Variants in SLC25A21 observed in about 807,000 individuals in gnomAD.
SLC25A21 encodes the protein solute carrier family 25 member 21, also known as mitochondrial 2-oxodicarboxylate carrier.
In SLC25A21, 47 loss-of-function variants were observed where a neutral mutation model predicts 43.8. That is an observed-to-expected ratio of 1.07 (90% CI 0.85 to 1.37). The LOEUF (loss-of-function observed/expected upper bound fraction) is 1.37, where lower values mean the gene tolerates loss of function less well. SLC25A21 is among the 40% of genes most tolerant of loss of function. The pLI is 0.00. For synonymous variants in SLC25A21, 131 were observed against 121.3 expected (o/e 1.08, Z -0.52); for missense variants, 352 against 350.2 (o/e 1.00, Z -0.04).
intron 1 of SLC25A21, among the ~76,000 whole-genome samples, chr14:36,971,417 A>C (rs1959745745): frequency 6.6e-6 from 1 of 152,024 alleles, no homozygotes; most frequent in South Asian, 2.1e-4. Flanking sequence ...TACAGTAGGG[A>C]GCAGACAAGA....
At chr14:36,930,616 A>G (rs564506171) in intron 1 of SLC25A21, among the ~76,000 whole-genome samples, 10 of 152,064 alleles carry the variant, frequency 6.6e-5, no homozygotes, top group Non-Finnish European at 1.5e-4. Flanking sequence ...TGTATCATCT[A>G]TAACCCAAAC....
chr14:36,738,918 C>T (rs914383487), intron 3 of SLC25A21, among the ~76,000 whole-genome samples: 1 of 152,140 alleles, frequency 6.6e-6, no homozygotes, highest in African/African-American at 2.4e-5. Context: ...ACATGGTAAT[C>T]TCAATCAACT....
chr14:36,961,280 C>T (rs1006892816), intron 1 of SLC25A21, among the ~76,000 whole-genome samples: 2 of 151,886 alleles, frequency 1.3e-5, no homozygotes, highest in African/African-American at 4.8e-5. Context: ...GGCACAACCT[C>T]GGCTCACTGC....
At chr14:36,812,603 G>T (rs567734109) in intron 3 of SLC25A21, among the ~76,000 whole-genome samples, 1 of 151,950 alleles carries the variant, frequency 6.6e-6, no homozygotes, top group African/African-American at 2.4e-5. Flanking sequence ...GTCTACCATA[G>T]AGATTAATTT....
At chr14:36,812,459 TAA>T (rs1160011649) in intron 3 of SLC25A21, among the ~76,000 whole-genome samples, 2 of 150,186 alleles carry the variant, frequency 1.3e-5, no homozygotes, top group African/African-American at 2.4e-5. Flanking sequence ...TAAAAATATA[TAA>T]AAGTTATGTA....
intron 1 of SLC25A21, among the ~76,000 whole-genome samples, chr14:36,958,120 T>C (rs1959390355): frequency 6.6e-6 from 1 of 152,176 alleles, no homozygotes; most frequent in South Asian, 2.1e-4. Flanking sequence ...GAACAGCTAC[T>C]GAGGATACTT....
intron 2 of SLC25A21, among the ~76,000 whole-genome samples, chr14:36,862,819 C>T (rs1236030033): frequency 6.6e-6 from 1 of 152,036 alleles, no homozygotes; most frequent in East Asian, 1.9e-4. Context: ...AAAAATATCC[C>T]GTTTGTTTTT....
intron 1 of SLC25A21, among the ~76,000 whole-genome samples, chr14:36,934,322 ATC>A (rs1892365313): frequency 6.6e-6 from 1 of 152,078 alleles, no homozygotes; most frequent in Non-Finnish European, 1.5e-5. Context: ...AGGAAGGAGA[ATC>A]TCTATAATTG....
Position 37,172,094 on chromosome 14 carries a change from C to T in SLC25A21, c.70+187G>A, listed in dbSNP as rs1214350411. ...GAGGCAACTTTACTTGGGGCACCCA[C>T]TACTCGCAATCAACTCCCGGCCTCC... On this transcript the variant is annotated intron_variant, in intron 1 of 9. Coordinates refer to ENST00000331299, the MANE Select transcript of SLC25A21 (RefSeq NM_030631.4). The T allele has an allele frequency of 8.2e-6, 5 of 611,248 alleles. No homozygotes were observed. In the African/African-American group the frequency reaches 9.4e-5, roughly 11 times the overall value. The allele number at this position is 611,248 out of a possible 1,614,324, so 37.9% of individuals were successfully genotyped here.
rs539671462 is a variant in SLC25A21, at chr14:36,901,712, T to C, written c.71-26708A>G. ...TGCAGTACTTAAACTGAATCCATAA[T>C]ATAGAATTCTGCTTTAAAACCTAAT... On this transcript the variant is annotated intron_variant, in intron 1 of 9. Coordinates refer to ENST00000331299, the MANE Select transcript of SLC25A21 (RefSeq NM_030631.4). Among the ~76,000 whole-genome samples the C allele has an allele frequency of 4.6e-5, 7 of 152,294 alleles. No homozygotes were observed. In the East Asian group the frequency reaches 1.3e-3, roughly 29 times the overall value.
chr14:36,906,512 C>CT (rs111778445), intron 1 of SLC25A21, among the ~76,000 whole-genome samples: 7,394 of 143,050 alleles, frequency 0.052, 349 homozygotes, highest in African/African-American at 0.13. Flanking sequence ...TCTTTCCTTC[C>CT]TTTTTTTTTT....
At position 37,164,340 on chromosome 14, in the gene SLC25A21, T is replaced by G. The variant is rs145063176; in HGVS notation, c.70+7941A>C. On this transcript the variant is annotated intron_variant, in intron 1 of 9. Coordinates refer to ENST00000331299, the MANE Select transcript of SLC25A21 (RefSeq NM_030631.4). ...AATAGGGTTGCTTCCTCCTATGTGCTTGAAATAAGGGTTATTTTTTTCTCC... is the reference window on the plus strand; with the variant it reads ...AATAGGGTTGCTTCCTCCTATGTGCGTGAAATAAGGGTTATTTTTTTCTCC... Among the ~76,000 whole-genome samples the G allele has an allele frequency of 3.2e-3, 492 of 152,316 alleles. 2 individuals are homozygous for G. The highest frequency in any genetic ancestry group is 0.011 in the African/African-American group (443 of 41,580).
intron 3 of SLC25A21, among the ~76,000 whole-genome samples, chr14:36,765,172 G>A (rs1174976533): frequency 6.6e-6 from 1 of 152,224 alleles, no homozygotes; most frequent in Admixed American, 6.5e-5. Flanking sequence ...TTGCTAAGAA[G>A]TCTGACTAAT....
intron 1 of SLC25A21, among the ~76,000 whole-genome samples, chr14:37,103,872 C>T (rs937839118): frequency 3.3e-5 from 5 of 152,210 alleles, no homozygotes; most frequent in African/African-American, 9.6e-5. Context: ...TTTCCAAGCA[C>T]TTGCTGTTTG....
At chr14:36,860,587 T>A (rs1890038760) in intron 2 of SLC25A21, among the ~76,000 whole-genome samples, 1 of 152,200 alleles carries the variant, frequency 6.6e-6, no homozygotes, top group African/African-American at 2.4e-5. Context: ...CGCAAAGGAA[T>A]CATGTCTGCT....
chr14:36,751,288 C>A (rs1244249278), intron 3 of SLC25A21, among the ~76,000 whole-genome samples: 1 of 152,178 alleles, frequency 6.6e-6, no homozygotes, highest in Non-Finnish European at 1.5e-5. Context: ...AGAACAGGTA[C>A]AACAGGAAGT....
At chr14:37,094,149 G>A (rs1225645285) in intron 1 of SLC25A21, among the ~76,000 whole-genome samples, 2 of 152,172 alleles carry the variant, frequency 1.3e-5, no homozygotes, top group African/African-American at 2.4e-5. Flanking sequence ...ATAGCAATGT[G>A]AACAAGTGTG....
intron 3 of SLC25A21, among the ~76,000 whole-genome samples, chr14:36,744,114 C>CA (rs1407945958): frequency 1.3e-5 from 2 of 152,080 alleles, no homozygotes; most frequent in Non-Finnish European, 2.9e-5. Context: ...CCATACTGCC[C>CA]AAAGTAATCT....
rs900569455 is a variant in SLC25A21, at chr14:36,813,280, C to T, written c.203+638G>A. ...TGGATATGGTTTTTAACTGAATCTA[C>T]ACATTGAAGATAATTTTAGCCTATG... On this transcript the variant is annotated intron_variant, in intron 3 of 9. Transcript: ENST00000331299. 9.9e-5 allele frequency among the ~76,000 whole-genome samples: 15 copies of T among 152,190 alleles called. No homozygotes were observed. The East Asian group carries it at 2.9e-3, about 29-fold the overall frequency.
Sources: allele counts gnomAD v4.1 joint callset (sites outside exome capture counted in the v4.1 genomes callset), GRCh38; gene constraint gnomAD v4.1.1; transcripts MANE v1.5; gene names NCBI Gene and HGNC (gene_info 2026-07-23, HGNC 2026-07-21).